Variants in POLN observed in about 807,000 individuals in gnomAD.
POLN encodes DNA polymerase N.
POLN carries 108 observed loss-of-function variants against 113.5 expected under a neutral mutation model. The ratio of observed to expected loss-of-function variants is 0.95; its 90% CI spans 0.81 to 1.12. The LOEUF is 1.12. Among genes scored for constraint, POLN ranks in the 50% most tolerant of loss-of-function variants. The pLI is 0.00. For synonymous variants in POLN, 386 were observed against 391.5 expected, an observed-to-expected ratio of 0.99 and a Z score of 0.17; for missense variants, 1,097 against 1,077.1, an observed-to-expected ratio of 1.02 and a Z score of -0.26.
intron 16 of POLN, among the ~76,000 whole-genome samples, chr4:2,136,603 C>T (rs1731864019): frequency 1.3e-5 from 2 of 152,232 alleles, no homozygotes; most frequent in South Asian, 4.1e-4. Flanking sequence ...CGTTTTAATT[C>T]TACAATGTGG....
intron 19 of POLN, among the ~76,000 whole-genome samples, chr4:2,111,451 C>T (rs1170709919): frequency 9.2e-5 from 14 of 152,216 alleles, no homozygotes; most frequent in Admixed American, 6.5e-4. Flanking sequence ...AGTCAAATTG[C>T]CCCTGTTTGC....
At chr4:2,137,723 C>T (rs776053891) in intron 16 of POLN, among the ~76,000 whole-genome samples, 2 of 152,168 alleles carry the variant, frequency 1.3e-5, no homozygotes, top group African/African-American at 2.4e-5. Context: ...CCACTACATA[C>T]GTTCCATACA....
intron 16 of POLN, among the ~76,000 whole-genome samples, chr4:2,138,565 C>G (rs1731916929): frequency 6.6e-6 from 1 of 152,146 alleles, no homozygotes; most frequent in East Asian, 1.9e-4. Flanking sequence ...AATCGCCACC[C>G]CCACAGGGTA....
At chr4:2,090,526 C>T in intron 20 of POLN, 1 of 496,072 alleles carries the variant, frequency 2.0e-6, no homozygotes, top group Non-Finnish European at 3.8e-6. Flanking sequence ...TAGCAAAATA[C>T]AAGAATCATC....
chr4:2,110,760 C>T (rs960470023), intron 19 of POLN, among the ~76,000 whole-genome samples: 4 of 152,068 alleles, frequency 2.6e-5, no homozygotes, highest in African/African-American at 4.8e-5. Context: ...AGCTTACCAA[C>T]CAAAAAAAGT....
chr4:2,197,258 C>T (rs1451261859), intron 6 of POLN, among the ~76,000 whole-genome samples: 1 of 152,140 alleles, frequency 6.6e-6, no homozygotes, highest in Non-Finnish European at 1.5e-5. Flanking sequence ...AGCAGGAGTC[C>T]AATGTGGAAG....
intron 2 of POLN, chr4:2,238,846 T>C (rs1232329267): frequency 1.3e-5 from 21 of 1,613,412 alleles, no homozygotes; most frequent in Non-Finnish European, 1.7e-5. Flanking sequence ...CTAACTCTTG[T>C]CTTGCTGTAT....
intron 20 of POLN, chr4:2,090,608 G>C: frequency 2.3e-6 from 1 of 432,612 alleles, no homozygotes; most frequent in Non-Finnish European, 4.4e-6. Flanking sequence ...ACATTCCGAT[G>C]CTGGGCCATG....
At chr4:2,194,576 G>A (rs1014882364) in intron 6 of POLN, among the ~76,000 whole-genome samples, 1 of 152,116 alleles carries the variant, frequency 6.6e-6, no homozygotes, top group African/African-American at 2.4e-5. Context: ...AAGAACTGGG[G>A]CCATGGAGAT....
chr4:2,159,875 T>C (rs369725648), intron 13 of POLN, among the ~76,000 whole-genome samples: 13 of 151,070 alleles, frequency 8.6e-5, no homozygotes, highest in African/African-American at 3.2e-4. Flanking sequence ...ATGTAGAACA[T>C]TACCCATTCC....
intron 13 of POLN, among the ~76,000 whole-genome samples, chr4:2,168,862 T>C (rs1032891137): frequency 2.2e-4 from 33 of 152,234 alleles, no homozygotes; most frequent in African/African-American, 7.7e-4. Flanking sequence ...GGTTTGGTTC[T>C]GGGAACAAAC....
At chr4:2,225,666 G>A (rs1389774335) in intron 3 of POLN, among the ~76,000 whole-genome samples, 8 of 150,926 alleles carry the variant, frequency 5.3e-5, no homozygotes, top group East Asian at 1.9e-4. Flanking sequence ...ACAAAAAGAC[G>A]CCCCAAAAAT....
At chr4:2,231,886 TAAAA>T (rs1734590718) in intron 2 of POLN, 1 of 869,440 alleles carries the variant, frequency 1.2e-6, no homozygotes, top group South Asian at 1.6e-5. Context: ...TTCTAATAAA[TAAAA>T]GAGGACACGT....
intron 3 of POLN, among the ~76,000 whole-genome samples, chr4:2,219,463 C>A (rs1051075619): frequency 6.6e-6 from 1 of 152,152 alleles, no homozygotes; most frequent in Admixed American, 6.5e-5. Flanking sequence ...AGTCACTTTA[C>A]GAGAACTGTA....
intron 19 of POLN, among the ~76,000 whole-genome samples, chr4:2,098,097 A>G (rs1320936635): frequency 6.6e-6 from 1 of 152,210 alleles, no homozygotes; most frequent in Admixed American, 6.5e-5. Context: ...CATTGTTAAC[A>G]GCTATATTTA....
At chr4:2,223,625 C>A (rs1054091087) in intron 3 of POLN, among the ~76,000 whole-genome samples, 2 of 152,200 alleles carry the variant, frequency 1.3e-5, no homozygotes, top group Non-Finnish European at 2.9e-5. Flanking sequence ...GCTTACTACA[C>A]TCCTAAGCTG....
chr4:2,095,702 A>G lies in POLN; in HGVS notation c.2065+149T>C, dbSNP rs1273418386. The G allele has an allele frequency of 4.1e-6, 3 of 726,984 alleles. No homozygotes were observed. The African/African-American group carries it at 5.2e-5, about 13-fold the overall frequency. The allele number at this position is 726,984 out of a possible 1,614,324, so 45.0% of individuals were successfully genotyped here. On this transcript the variant is annotated intron_variant, in intron 20 of 25. Coordinates refer to ENST00000511885, the MANE Select transcript of POLN (RefSeq NM_181808.4). ...GGTCAAGGCATGGGGTGGTCTGGCC[A>G]GTGTCTGGTGACTGCAGGTGTCATC...
At chr4:2,199,955 A>T (rs147393327) in intron 5 of POLN, among the ~76,000 whole-genome samples, 32 of 152,304 alleles carry the variant, frequency 2.1e-4, no homozygotes, top group African/African-American at 6.7e-4. Context: ...AAATGCCTTT[A>T]AAAAAATGAA....
chr4:2,111,680 C>T (rs1400464775), intron 19 of POLN, among the ~76,000 whole-genome samples: 1 of 152,132 alleles, frequency 6.6e-6, no homozygotes, highest in Non-Finnish European at 1.5e-5. Flanking sequence ...ATCCAACTTA[C>T]AAGGGATGTG....
Sources: gnomAD v4.1 joint callset for allele counts (sites outside exome capture counted in the v4.1 genomes callset) on GRCh38, gnomAD v4.1.1 for gene constraint, MANE v1.5 for transcripts, NCBI Gene and HGNC (gene_info 2026-07-23, HGNC 2026-07-21) for gene names.